The following PRMT8 variants were observed in gnomAD, a reference collection of about 807,000 sequenced individuals.
PRMT8 encodes the protein protein arginine methyltransferase 8.
In PRMT8, 7 loss-of-function variants were observed where a neutral mutation model predicts 47.1. That is an observed-to-expected ratio of 0.15 (90% CI 0.08 to 0.28). PRMT8 has a LOEUF of 0.28. PRMT8 is among the 10% of genes least tolerant of loss of function. The pLI is 1.00. For synonymous variants in PRMT8, 188 were observed against 186.5 expected (o/e 1.01, Z -0.07); for missense variants, 237 against 505.4 (o/e 0.47, Z 5.09).
chr12:3,527,868 GACTTT>G (rs1190573216), intron 1 of PRMT8, among the ~76,000 whole-genome samples: 3 of 152,148 alleles, frequency 2.0e-5, no homozygotes, highest in Non-Finnish European at 2.9e-5. Flanking sequence ...GTCTCTAAAA[GACTTT>G]ACTTTACCGT....
Position 3,384,470 on chromosome 12 carries a change from T to C in PRMT8, c.48+3028T>C, listed in dbSNP as rs1864121276. The stretch of plus-strand genomic sequence containing the variant: ...AAATTTGATTAAATTAAAAGAAATG[T>C]ATTTTTTTCTCTGAACAAGATATCT... On this transcript the variant is annotated intron_variant, in intron 1 of 9. Transcript: ENST00000452611. Among the ~76,000 whole-genome samples, 3 of 152,160 alleles carry C rather than the reference T, an allele frequency of 2.0e-5. No homozygotes were observed. The South Asian group carries it at 6.2e-4, about 32-fold the overall frequency.
intron 5 of PRMT8, 29 bp downstream of exon 5, chr12:3,568,877 T>G (rs1373876584): frequency 1.9e-6 from 3 of 1,612,762 alleles, no homozygotes; most frequent in African/African-American, 1.3e-5. Flanking sequence ...GTCCCCGCGT[T>G]GGCCGGCTGG....
At chr12:3,397,849 T>C (rs1350474010) in intron 1 of PRMT8, among the ~76,000 whole-genome samples, 2 of 152,172 alleles carry the variant, frequency 1.3e-5, no homozygotes, top group East Asian at 1.9e-4. Flanking sequence ...ACTGCTGTGC[T>C]AGCAATCAGC....
chr12:3,407,140 A>G (rs1864380527), intron 1 of PRMT8, among the ~76,000 whole-genome samples: 1 of 152,108 alleles, frequency 6.6e-6, no homozygotes, highest in African/African-American at 2.4e-5. Context: ...GCAAAGGGGG[A>G]AAAGCCCCTT....
chr12:3,567,893 G>A (rs1018883754), intron 4 of PRMT8, among the ~76,000 whole-genome samples: 1 of 152,062 alleles, frequency 6.6e-6, no homozygotes, highest in Admixed American at 6.5e-5. Context: ...GGCCAACATG[G>A]TGAAACCCCG....
chr12:3,443,418 A>C (rs1256119430), intron 1 of PRMT8, among the ~76,000 whole-genome samples: 1 of 152,182 alleles, frequency 6.6e-6, no homozygotes, highest in Non-Finnish European at 1.5e-5. Flanking sequence ...GCTTAAGCCA[A>C]AACCTTAGAG....
At chr12:3,397,482 A>T (rs2137048860) in intron 1 of PRMT8, among the ~76,000 whole-genome samples, 1 of 150,534 alleles carries the variant, frequency 6.6e-6, no homozygotes, top group East Asian at 2.0e-4. Flanking sequence ...GTGAGGTGTC[A>T]GTCTGCCCCT....
At position 3,583,997 on chromosome 12, in the gene PRMT8, G is replaced by A. The variant is rs1591616076; in HGVS notation, c.979+789G>A. ...CCTATCCAGGTGTGCCCTGGAGGTGGGAGGGGCCTTAGTCAGAGGCTCTCA... is the reference window on the plus strand; with the variant it reads ...CCTATCCAGGTGTGCCCTGGAGGTGAGAGGGGCCTTAGTCAGAGGCTCTCA... On this transcript the variant is annotated intron_variant, in intron 8 of 9. Coordinates refer to ENST00000382622, the MANE Select transcript of PRMT8 (RefSeq NM_019854.5). The surrounding 1 kb of genome is among the most constrained non-coding windows in gnomAD (Gnocchi z 4.7). Among the ~76,000 whole-genome samples, 3 of 152,204 alleles carry A rather than the reference G, an allele frequency of 2.0e-5. No homozygotes were observed. The highest frequency in any genetic ancestry group is 7.2e-5 in the African/African-American group (3 of 41,450).
chr12:3,493,057 TC>T lies in PRMT8; in HGVS notation c.75+1362del, dbSNP rs1049572804. Among the ~76,000 whole-genome samples the T allele has an allele frequency of 6.6e-6, 1 of 151,946 alleles. No homozygotes were observed. The highest frequency in any genetic ancestry group is 1.5e-5 in the Non-Finnish European group (1 of 67,994). On this transcript the variant is annotated intron_variant, in intron 1 of 9. Transcript: ENST00000382622. The surrounding 1 kb of genome is among the most constrained non-coding windows in gnomAD (Gnocchi z 8.2). ...GGCGTAGGCAGCAAAGCTTTATAAA[TC>T]CCCCTTCTCTGAGAGACTAGAAGCA...
intron 1 of PRMT8, among the ~76,000 whole-genome samples, chr12:3,449,052 G>A (rs1474715415): frequency 6.6e-6 from 1 of 152,172 alleles, no homozygotes; most frequent in Non-Finnish European, 1.5e-5. Context: ...CCATGTCCCT[G>A]CAAAGGACAT....
At chr12:3,432,720 C>T (rs1864694773) in intron 1 of PRMT8, among the ~76,000 whole-genome samples, 1 of 152,050 alleles carries the variant, frequency 6.6e-6, no homozygotes, top group Non-Finnish European at 1.5e-5. Context: ...GTCATGTGAC[C>T]CAAATTGTTC....
intron 4 of PRMT8, among the ~76,000 whole-genome samples, chr12:3,561,559 C>T (rs181583822): frequency 1.6e-4 from 24 of 152,260 alleles, no homozygotes; most frequent in African/African-American, 3.6e-4. Context: ...GGGTGTCCTA[C>T]GGTGAGGGTG....
At chr12:3,488,381 T>A (rs1437844706), upstream of PRMT8, among the ~76,000 whole-genome samples, 2 of 152,018 alleles carry the variant, frequency 1.3e-5, no homozygotes, top group Admixed American at 6.6e-5. Flanking sequence ...ATAAGAAAAA[T>A]TACATAAATA....
intron 1 of PRMT8, among the ~76,000 whole-genome samples, chr12:3,470,012 A>G (rs1421657442): frequency 2.0e-5 from 3 of 152,158 alleles, no homozygotes; most frequent in Non-Finnish European, 4.4e-5. Flanking sequence ...TCAACACAAT[A>G]ACGGTGTTCG....
At chr12:3,532,383 G>A (rs2137154914) in intron 1 of PRMT8, among the ~76,000 whole-genome samples, 1 of 150,120 alleles carries the variant, frequency 6.7e-6, no homozygotes, top group Admixed American at 6.6e-5. Flanking sequence ...GCCGAGGCAG[G>A]TGGATCACCT....
At chr12:3,511,297 A>G (rs1229295236) in intron 1 of PRMT8, among the ~76,000 whole-genome samples, 1 of 151,988 alleles carries the variant, frequency 6.6e-6, no homozygotes, top group Non-Finnish European at 1.5e-5. Context: ...AAATGGAGAG[A>G]TGTTTTTCCC....
At chr12:3,472,372 T>C (rs1220275439) in intron 1 of PRMT8, among the ~76,000 whole-genome samples, 1 of 152,152 alleles carries the variant, frequency 6.6e-6, no homozygotes, top group Non-Finnish European at 1.5e-5. Flanking sequence ...AATGAATGAA[T>C]GGATGGATGA....
intron 7 of PRMT8, among the ~76,000 whole-genome samples, chr12:3,582,362 T>C (rs1008242713): frequency 3.5e-4 from 54 of 152,256 alleles, no homozygotes; most frequent in African/African-American, 1.3e-3. Context: ...CTGAAAATTC[T>C]CACTTCTTAT....
At chr12:3,465,263 ATATT>A (rs1197696999) in intron 1 of PRMT8, among the ~76,000 whole-genome samples, 11 of 37,680 alleles carry the variant, frequency 2.9e-4, no homozygotes, top group African/African-American at 7.7e-4. Flanking sequence ...TATTTTATAA[ATATT>A]TATAAAAATA....
Sources: allele counts gnomAD v4.1 joint callset (sites outside exome capture counted in the v4.1 genomes callset), GRCh38; gene constraint gnomAD v4.1.1; non-coding constraint Gnocchi (gnomAD v3.1); transcripts MANE v1.5; gene names NCBI Gene and HGNC (gene_info 2026-07-23, HGNC 2026-07-21).